DNAH3: variants seen among roughly 807,000 people sequenced by gnomAD.
DNAH3 encodes the protein dynein axonemal heavy chain 3.
Under a neutral mutation model 432.5 loss-of-function variants are expected in DNAH3, and 332 were observed. The observed-to-expected ratio is 0.77, with a 90% CI of 0.70 to 0.84. The LOEUF is 0.84. Among genes scored for constraint, DNAH3 ranks in the 40% least tolerant of loss-of-function variants. DNAH3 has a pLI of 0.00. For synonymous variants in DNAH3, 1,956 were observed against 1,900.2 expected, an observed-to-expected ratio of 1.03 and a Z score of -0.76; for missense variants, 4,861 against 5,114.0, an observed-to-expected ratio of 0.95 and a Z score of 1.51.
chr16:21,110,661 T>C lies in DNAH3; in HGVS notation c.2099+965A>G, dbSNP rs28408037. Among the ~76,000 whole-genome samples the C allele has an allele frequency of 5.8e-3, 880 of 152,254 alleles. 15 individuals carry two copies. The highest frequency in any genetic ancestry group is 0.02 in the African/African-American group (839 of 41,550). On this transcript the variant is annotated intron_variant, in intron 14 of 61. Coordinates refer to ENST00000261383, the Ensembl canonical transcript of DNAH3. ...CTATCCATTATAACCAAAAACATCTTGTCTAACACGTAGTTGTCAGTAAAA... is the reference window on the plus strand; with the variant it reads ...CTATCCATTATAACCAAAAACATCTCGTCTAACACGTAGTTGTCAGTAAAA...
At chr16:21,139,455 C>T (rs976401264) in intron 5 of DNAH3, among the ~76,000 whole-genome samples, 2 of 147,604 alleles carry the variant, frequency 1.4e-5, no homozygotes, top group African/African-American at 2.5e-5. Flanking sequence ...GTTGTCTTGT[C>T]CTAGAAAGGG....
At chr16:21,075,605 G>C in intron 20 of DNAH3, 44 bp from the exon 21 acceptor site, 1 of 1,458,396 alleles carries the variant, frequency 6.9e-7, no homozygotes, top group Non-Finnish European at 9.6e-7. Flanking sequence ...AGGAGGCAGA[G>C]AAGACACATC....
At chr16:21,003,859 T>G (rs946677070) in intron 41 of DNAH3, among the ~76,000 whole-genome samples, 16 of 152,066 alleles carry the variant, frequency 1.1e-4, no homozygotes, top group African/African-American at 3.1e-4. Flanking sequence ...CATCCAGAGA[T>G]AACTTTTGAT....
chr16:20,948,068 A>G (rs111171), intron 57 of DNAH3, among the ~76,000 whole-genome samples: 102,745 of 152,076 alleles, frequency 0.68, 34,763 homozygotes, highest in Non-Finnish European at 0.7. Flanking sequence ...GAGCCACAGC[A>G]TCCAACCTGT....
At chr16:21,030,493 C>T (rs1433672135) in intron 37 of DNAH3, among the ~76,000 whole-genome samples, 2 of 152,112 alleles carry the variant, frequency 1.3e-5, no homozygotes, top group Non-Finnish European at 2.9e-5. Context: ...GATTTTCTAG[C>T]CTGAGCTGCC....
intron 55 of DNAH3, among the ~76,000 whole-genome samples, chr16:20,953,228 G>C (rs912881711): frequency 6.6e-6 from 1 of 151,220 alleles, no homozygotes; most frequent in South Asian, 2.1e-4. Flanking sequence ...TCGTGATCTC[G>C]GCTGACTGCA....
chr16:21,054,393 AAT>A, intron 28 of DNAH3, 25 bp downstream of exon 28: 1 of 1,535,018 alleles, frequency 6.5e-7, no homozygotes. Context: ...GATAGTCAGT[AAT>A]GACAGGGGAA....
chr16:21,067,199 A>G, intron 24 of DNAH3, 84 bp downstream of exon 24: 2 of 1,508,198 alleles, frequency 1.3e-6, no homozygotes, highest in African/African-American at 1.4e-5. Flanking sequence ...GATTGGTTGA[A>G]GCCAACTCTT....
chr16:20,989,581 C>G (rs890088136), intron 44 of DNAH3, among the ~76,000 whole-genome samples: 26 of 152,282 alleles, frequency 1.7e-4, no homozygotes, highest in African/African-American at 5.5e-4. Flanking sequence ...CTGGCTTCAC[C>G]TAGTGGATCC....
chr16:21,017,296 CAT>C (rs1422345049), intron 41 of DNAH3, among the ~76,000 whole-genome samples: 1 of 152,124 alleles, frequency 6.6e-6, no homozygotes, highest in Non-Finnish European at 1.5e-5. Flanking sequence ...GTGAAAGGAG[CAT>C]ATCTTGGGCC....
chr16:21,059,856 T>C (rs988500735), intron 26 of DNAH3, among the ~76,000 whole-genome samples: 8 of 152,072 alleles, frequency 5.3e-5, no homozygotes, highest in African/African-American at 1.9e-4. Flanking sequence ...GTTATTCTGA[T>C]AGATTCTTTT....
intron 52 of DNAH3, 151 bp downstream of exon 52, chr16:20,969,641 G>GCA (rs1171671553): frequency 8.2e-6 from 7 of 858,632 alleles, no homozygotes; most frequent in Non-Finnish European, 7.3e-6. Context: ...GGCCTTGGGT[G>GCA]CACACACACA....
At chr16:20,992,490 C>T (rs1408607138) in intron 44 of DNAH3, among the ~76,000 whole-genome samples, 6 of 152,196 alleles carry the variant, frequency 3.9e-5, no homozygotes, top group Admixed American at 2.6e-4. Flanking sequence ...GGACTGCAGG[C>T]GCACACCGCC....
intron 44 of DNAH3, among the ~76,000 whole-genome samples, chr16:20,989,079 G>A (rs557165939): frequency 3.9e-5 from 6 of 152,214 alleles, no homozygotes; most frequent in Admixed American, 1.3e-4. Flanking sequence ...AAAGAACAAA[G>A]CTTCCACAGT....
intron 51 of DNAH3, among the ~76,000 whole-genome samples, chr16:20,970,393 G>A (rs1276885773): frequency 2.6e-5 from 4 of 152,136 alleles, no homozygotes; most frequent in African/African-American, 9.7e-5. Flanking sequence ...GCGTGGTGGT[G>A]GGCGCTTGTA....
In DNAH3 at chr16:20,936,634, C is replaced by T; in HGVS notation, c.11859+15G>A. On this transcript the variant is annotated intron_variant, in intron 60 of 61. Coordinates refer to ENST00000261383, the Ensembl canonical transcript of DNAH3. The stretch of plus-strand genomic sequence containing the variant: ...AAGCATGCCAGGTTCCCGGTTACCC[C>T]TGACTCCCAGGTACCTGGAAGAAGG... 1 of 1,578,164 alleles carries T rather than the reference C, an allele frequency of 6.3e-7. No individual in the cohort carries two copies. The highest frequency in any genetic ancestry group is 8.6e-7 in the Non-Finnish European group (1 of 1,160,788).
intron 21 of DNAH3, among the ~76,000 whole-genome samples, chr16:21,074,055 C>T (rs554755995): frequency 2.0e-5 from 3 of 152,250 alleles, no homozygotes; most frequent in South Asian, 4.1e-4. Flanking sequence ...AATTTTAATG[C>T]TTTTCTCTTG....
intron 48 of DNAH3, 80 bp downstream of exon 48, chr16:20,984,969 G>C: frequency 8.3e-7 from 1 of 1,206,700 alleles, no homozygotes; most frequent in Admixed American, 2.3e-5. Context: ...ACCATTGTAA[G>C]GGATTGGCCT....
At chr16:20,963,225 T>G in intron 53 of DNAH3, 59 bp downstream of exon 53, 4 of 1,509,328 alleles carry the variant, frequency 2.7e-6, no homozygotes, top group Non-Finnish European at 2.7e-6. Context: ...GACGGGCTAC[T>G]GATATCCACC....
Sources: allele counts gnomAD v4.1 joint callset (sites outside exome capture counted in the v4.1 genomes callset), GRCh38; gene constraint gnomAD v4.1.1; transcripts MANE v1.5; gene names NCBI Gene and HGNC (gene_info 2026-07-23, HGNC 2026-07-21).